CNTN6: variants seen among roughly 807,000 people sequenced by gnomAD.
The protein encoded by CNTN6 is contactin-6.
A neutral mutation model predicts 122.8 loss-of-function variants in CNTN6; 137 were observed. The observed-to-expected ratio is 1.12, with a 90% CI of 0.97 to 1.29. The LOEUF (loss-of-function observed/expected upper bound fraction) is 1.29, where lower values mean the gene tolerates loss of function less well. Among genes scored for constraint, CNTN6 ranks in the 50% most tolerant of loss-of-function variants. CNTN6 has a pLI of 0.00. For missense variants in CNTN6, 1,634 were observed against 1,223.4 expected, an observed-to-expected ratio of 1.34 and a Z score of -5.01; for synonymous variants, 570 against 426.0, an observed-to-expected ratio of 1.34 and a Z score of -4.16.
intron 12 of CNTN6, among the ~76,000 whole-genome samples, chr3:1,361,412 A>G (rs1285568842): frequency 1.3e-5 from 2 of 152,126 alleles, no homozygotes; most frequent in Non-Finnish European, 2.9e-5. Flanking sequence ...CCTTTTGTTC[A>G]GCATTCCTAC....
At position 1,385,767 on chromosome 3, in the gene CNTN6, C is replaced by T; in HGVS notation, c.2674C>T (p.Pro892Ser). 1 of 1,611,714 alleles carries T rather than the reference C, an allele frequency of 6.2e-7. No individual in the cohort carries two copies. Among genetic ancestry groups the T allele is most frequent in the Non-Finnish European group, 8.5e-7 (1 of 1,179,144 alleles). The change falls in exon 20 of 23, where the codon CCC becomes TCC. Residue 892 changes from proline to serine, a missense_variant. Physicochemically the swap from Pro to Ser is moderately conservative, Grantham distance 74. Transcript: ENST00000446702. ...CACTGCTGGGACAGGGCCCTCAAGC[C>T]CCCCAGTCAATGTTACCACCAAAAA... Reference protein sequence around the residue: ...YNTAGTGPSSPPVNVTTKKSP... With the variant: ...YNTAGTGPSSSPVNVTTKKSP...
At chr3:1,374,646 A>G (rs143542387) in intron 16 of CNTN6, among the ~76,000 whole-genome samples, 143 of 152,168 alleles carry the variant, frequency 9.4e-4, no homozygotes, top group African/African-American at 3.3e-3. Context: ...GCTCTTTTCA[A>G]TGGATCCTCT....
intron 2 of CNTN6, among the ~76,000 whole-genome samples, chr3:1,167,380 G>GT (rs1252343254): frequency 7.9e-5 from 12 of 152,096 alleles, no homozygotes; most frequent in Admixed American, 7.2e-4. Context: ...CCTAGATGAC[G>GT]TATCTGAAAT....
At chr3:1,247,961 CT>C (rs773654847) in intron 4 of CNTN6, among the ~76,000 whole-genome samples, 10 of 152,094 alleles carry the variant, frequency 6.6e-5, no homozygotes, top group Non-Finnish European at 1.2e-4. Flanking sequence ...TCAATAGATT[CT>C]CTAAAATGCA....
At chr3:1,145,804 G>T (rs1477435979) in intron 1 of CNTN6, among the ~76,000 whole-genome samples, 1 of 152,142 alleles carries the variant, frequency 6.6e-6, no homozygotes, top group African/African-American at 2.4e-5. Flanking sequence ...CCTTGGAAAA[G>T]GAAGATTAGA....
chr3:1,153,078 CT>C (rs1349222245), intron 2 of CNTN6, among the ~76,000 whole-genome samples: 1 of 152,090 alleles, frequency 6.6e-6, no homozygotes, highest in African/African-American at 2.4e-5. Flanking sequence ...AATATAACCA[CT>C]TTTTTGTCAT....
intron 7 of CNTN6, among the ~76,000 whole-genome samples, chr3:1,312,343 T>G (rs1194934487): frequency 6.6e-6 from 1 of 151,950 alleles, no homozygotes; most frequent in Non-Finnish European, 1.5e-5. Context: ...TATATGTATA[T>G]TTCTGGAAGC....
intron 4 of CNTN6, among the ~76,000 whole-genome samples, chr3:1,273,294 A>G (rs992155794): frequency 6.6e-6 from 1 of 152,236 alleles, no homozygotes; most frequent in Non-Finnish European, 1.5e-5. Context: ...AGACCATCTC[A>G]GAGAACGATC....
chr3:1,229,029 TACACAC>T (rs1422876912), intron 4 of CNTN6, among the ~76,000 whole-genome samples: 3 of 152,094 alleles, frequency 2.0e-5, no homozygotes, highest in Non-Finnish European at 4.4e-5. Context: ...CACATACACA[TACACAC>T]ATGCACACAC....
At chr3:1,231,226 T>C (rs753721) in intron 4 of CNTN6, among the ~76,000 whole-genome samples, 10,621 of 152,260 alleles carry the variant, frequency 0.07, 464 homozygotes, top group Middle Eastern at 0.15. Flanking sequence ...AGATTGCCGA[T>C]CTACTTACTG....
At chr3:1,325,711 C>T (rs1232315015) in intron 8 of CNTN6, 104 bp from the exon 9 acceptor site, 60 of 1,190,920 alleles carry the variant, frequency 5.0e-5, no homozygotes, top group Non-Finnish European at 6.8e-5. Context: ...TCCAACTGGA[C>T]CCAGTTAGCC....
chr3:1,205,439 C>G (rs17028979), intron 2 of CNTN6, among the ~76,000 whole-genome samples: 25,079 of 152,100 alleles, frequency 0.16, 2,157 homozygotes, highest in Middle Eastern at 0.23. Flanking sequence ...TGTTTTCTTT[C>G]TTTTGTCAAT....
chr3:1,302,244 T>C (rs1257993639), intron 7 of CNTN6, among the ~76,000 whole-genome samples: 2 of 149,944 alleles, frequency 1.3e-5, no homozygotes, highest in Non-Finnish European at 2.9e-5. Context: ...TTGGTTTTAG[T>C]CATTTTTTTC....
chr3:1,267,456 G>A (rs1025202827), intron 4 of CNTN6, among the ~76,000 whole-genome samples: 2 of 152,136 alleles, frequency 1.3e-5, no homozygotes, highest in Non-Finnish European at 2.9e-5. Context: ...TGTTTATAAA[G>A]TTCAGGAATT....
At chr3:1,285,785 A>G (rs528955456) in intron 5 of CNTN6, among the ~76,000 whole-genome samples, 1 of 152,338 alleles carries the variant, frequency 6.6e-6, no homozygotes, top group African/African-American at 2.4e-5. Flanking sequence ...TTTCTCTGGC[A>G]TAATCTGGTC....
chr3:1,110,295 C>G (rs1391442087), intron 1 of CNTN6, among the ~76,000 whole-genome samples: 1 of 152,022 alleles, frequency 6.6e-6, no homozygotes, highest in Non-Finnish European at 1.5e-5. Context: ...CTCTGCTAAA[C>G]AATGGAAGAA....
chr3:1,388,239 A>G (rs1037683167), intron 20 of CNTN6, among the ~76,000 whole-genome samples: 2 of 149,410 alleles, frequency 1.3e-5, no homozygotes, highest in African/African-American at 2.5e-5. Flanking sequence ...TGCCTCCTCA[A>G]GTGGGTCCCT....
At chr3:1,242,408 A>C (rs1169877413) in intron 4 of CNTN6, among the ~76,000 whole-genome samples, 3 of 152,228 alleles carry the variant, frequency 2.0e-5, no homozygotes, top group Non-Finnish European at 4.4e-5. Context: ...CAGATCCTGA[A>C]CTAATCTGTA....
intron 12 of CNTN6, among the ~76,000 whole-genome samples, chr3:1,369,378 CG>C (rs1708667580): frequency 1.1e-5 from 1 of 91,820 alleles, no homozygotes; most frequent in South Asian, 3.7e-4. Context: ...TGACTTGCTG[CG>C]GGTTTTTTTT....
Sources: allele counts gnomAD v4.1 joint callset (sites outside exome capture counted in the v4.1 genomes callset), GRCh38; gene constraint gnomAD v4.1.1; transcripts MANE v1.5; gene names NCBI Gene and HGNC (gene_info 2026-07-23, HGNC 2026-07-21).